Variants in PPP1R12B observed in about 807,000 individuals in gnomAD.
PPP1R12B encodes the protein myosin phosphatase target subunit 2.
PPP1R12B carries 76 observed loss-of-function variants against 126.1 expected under a neutral mutation model. That is an observed-to-expected ratio of 0.60 (90% CI 0.50 to 0.73). PPP1R12B has a LOEUF of 0.73. Among genes scored for constraint, PPP1R12B ranks in the 30% least tolerant of loss-of-function variants. The pLI, the probability that PPP1R12B is intolerant of heterozygous loss-of-function variation, is 0.00. For synonymous variants in PPP1R12B, 356 were observed against 434.7 expected, an observed-to-expected ratio of 0.82 and a Z score of 2.25; for missense variants, 1,052 against 1,205.1, an observed-to-expected ratio of 0.87 and a Z score of 1.88.
intron 1 of PPP1R12B, among the ~76,000 whole-genome samples, chr1:202,360,399 C>T (rs2148404551): frequency 6.6e-6 from 1 of 152,206 alleles, no homozygotes; most frequent in East Asian, 1.9e-4. Context: ...AATTGGGTTA[C>T]CAGTGATCAG....
intron 12 of PPP1R12B, among the ~76,000 whole-genome samples, chr1:202,443,337 C>T (rs968975348): frequency 6.6e-6 from 1 of 152,220 alleles, no homozygotes; most frequent in African/African-American, 2.4e-5. Context: ...TGTCTTCTCA[C>T]ACCATAGCCT....
intron 1 of PPP1R12B, among the ~76,000 whole-genome samples, chr1:202,401,346 T>C (rs1404675883): frequency 2.0e-5 from 3 of 146,606 alleles, no homozygotes; most frequent in Admixed American, 6.9e-5. Flanking sequence ...TCCACCACCA[T>C]GGCTGGCTAA....
chr1:202,579,813 A>G (rs1236600147), intron 23 of PPP1R12B, among the ~76,000 whole-genome samples: 11 of 152,208 alleles, frequency 7.2e-5, no homozygotes, highest in African/African-American at 2.6e-4. Flanking sequence ...GATTAAATAC[A>G]TGCCTAGTGT....
intron 6 of PPP1R12B, among the ~76,000 whole-genome samples, chr1:202,429,533 A>G (rs1255776120): frequency 6.6e-6 from 1 of 152,174 alleles, no homozygotes; most frequent in Non-Finnish European, 1.5e-5. Flanking sequence ...AATTAGTGCT[A>G]TACAGGAGAA....
intron 18 of PPP1R12B, 21 bp downstream of exon 18, chr1:202,496,843 G>A (rs1448152231): frequency 3.7e-6 from 6 of 1,603,258 alleles, no homozygotes; most frequent in Non-Finnish European, 5.1e-6. Context: ...AGCCAGTGAA[G>A]CATGTCTCTT....
intron 10 of PPP1R12B, chr1:202,438,381 C>A (rs995369877): frequency 4.2e-6 from 3 of 716,822 alleles, no homozygotes; most frequent in Admixed American, 2.7e-5. Context: ...GGCCAATTCC[C>A]GTCCCCCCAG....
chr1:202,362,709 AT>A (rs1261738141), intron 1 of PPP1R12B, among the ~76,000 whole-genome samples: 4 of 151,802 alleles, frequency 2.6e-5, no homozygotes, highest in Non-Finnish European at 5.9e-5. Flanking sequence ...AAAATTATAA[AT>A]TTAATTTTTC....
rs1251499566 is a variant in PPP1R12B, at chr1:202,508,813, A to C, written c.2490+11991A>C. Among the ~76,000 whole-genome samples the C allele has an allele frequency of 6.6e-6, 1 of 152,234 alleles. No individual in the cohort carries two copies. Among genetic ancestry groups the C allele is most frequent in the African/African-American group, 2.4e-5 (1 of 41,466 alleles). ...CAGATGTTTATACCTATTCTCCGGC[A>C]GAACATGTTGGTGGTGGGACAGTGG... On this transcript the variant is annotated intron_variant, in intron 18 of 23. Transcript: ENST00000608999. The surrounding 1 kb of genome is among the most constrained non-coding windows in gnomAD (Gnocchi z 4.5).
At chr1:202,560,090 CT>C (rs1207093922) in intron 19 of PPP1R12B, among the ~76,000 whole-genome samples, 1 of 152,098 alleles carries the variant, frequency 6.6e-6, no homozygotes, top group Non-Finnish European at 1.5e-5. Context: ...AGTTGATTAT[CT>C]GTTTGAGCAA....
rs1220089138 is a variant in PPP1R12B, at chr1:202,569,066, G to C, written c.2812-81G>C. ...ACAAACCTTTGACCGTGAATCTGCT[G>C]ATCACACAGCAGCTGGGAGGCAGCA... On this transcript the variant is annotated intron_variant, in intron 22 of 23. Coordinates refer to ENST00000608999, the MANE Select transcript of PPP1R12B (RefSeq NM_002481.4). The C allele has an allele frequency of 2.7e-6, 4 of 1,474,350 alleles. No individual in the cohort carries two copies. In the African/African-American group the frequency reaches 5.6e-5, roughly 21 times the overall value. The allele number at this position is 1,474,350 out of a possible 1,614,324, so 91.3% of individuals were successfully genotyped here.
At chr1:202,510,817 TG>T (rs1558316453) in intron 18 of PPP1R12B, among the ~76,000 whole-genome samples, 34 of 149,762 alleles carry the variant, frequency 2.3e-4, no homozygotes, top group African/African-American at 8.3e-4. Context: ...ATTTTTGATA[TG>T]TATTATAGAT....
chr1:202,439,048 G>A (rs539305849), intron 10 of PPP1R12B: 74 of 1,382,640 alleles, frequency 5.4e-5, no homozygotes, highest in Non-Finnish European at 7.2e-5. Flanking sequence ...ACTTCATCCT[G>A]GCCGCCAACT....
At chr1:202,357,806 C>T (rs752954888) in intron 1 of PPP1R12B, among the ~76,000 whole-genome samples, 5 of 152,148 alleles carry the variant, frequency 3.3e-5, no homozygotes, top group Non-Finnish European at 7.3e-5. Context: ...TCTTGAGTGT[C>T]TACTGTGTAT....
At chr1:202,430,157 G>T (rs1431442194) in intron 6 of PPP1R12B, among the ~76,000 whole-genome samples, 1 of 152,176 alleles carries the variant, frequency 6.6e-6, no homozygotes. Flanking sequence ...AAAATAGAGA[G>T]TTCCTGTGTA....
intron 18 of PPP1R12B, among the ~76,000 whole-genome samples, chr1:202,525,438 T>C (rs1683218198): frequency 6.6e-6 from 1 of 152,102 alleles, no homozygotes; most frequent in Non-Finnish European, 1.5e-5. Context: ...TAAATGTTGC[T>C]GATAGGGTCA....
In PPP1R12B at chr1:202,439,730, T is replaced by C. The variant is rs1317623360; in HGVS notation, c.1459-976T>C. On this transcript the variant is annotated intron_variant, in intron 10 of 23. Coordinates refer to ENST00000608999, the MANE Select transcript of PPP1R12B (RefSeq NM_002481.4). ...GTGCAGCCCAGCCAGCAGGAGGGAC[T>C]GAGGCCCTCTAGGAGGAATGCGCAG... 7.0e-6 allele frequency: 4 copies of C among 569,560 alleles called. No individual in the cohort carries two copies. In the East Asian group the frequency reaches 1.2e-4, roughly 17 times the overall value. 35.3% of individuals were successfully genotyped at this position (569,560 alleles called of 1,614,324 possible).
intron 12 of PPP1R12B, among the ~76,000 whole-genome samples, chr1:202,446,234 CTCTATATATA>C (rs1409121668): frequency 2.3e-5 from 2 of 88,378 alleles, no homozygotes; most frequent in African/African-American, 7.6e-5. Flanking sequence ...CTCTCTCTCT[CTCTATATATA>C]TATATATATA....
chr1:202,449,889 T>G (rs1672720634), intron 13 of PPP1R12B, among the ~76,000 whole-genome samples: 2 of 151,856 alleles, frequency 1.3e-5, no homozygotes, highest in Non-Finnish European at 2.9e-5. Context: ...GGTTTCACCA[T>G]GTTAGCCAGG....
chr1:202,432,799 C>G (rs377454781), intron 8 of PPP1R12B, among the ~76,000 whole-genome samples: 50 of 152,326 alleles, frequency 3.3e-4, no homozygotes, highest in African/African-American at 1.1e-3. Flanking sequence ...GAAAGGGTCA[C>G]ACATTAAGTT....
Sources: allele counts gnomAD v4.1 joint callset (sites outside exome capture counted in the v4.1 genomes callset), GRCh38; gene constraint gnomAD v4.1.1; non-coding constraint Gnocchi (gnomAD v3.1); transcripts MANE v1.5; gene names NCBI Gene and HGNC (gene_info 2026-07-23, HGNC 2026-07-21).